The following FBLN2 variants were observed in gnomAD, a reference collection of about 807,000 sequenced individuals.
FBLN2 encodes the protein fibulin-2.
Under a neutral mutation model 123.7 loss-of-function variants are expected in FBLN2, and 81 were observed. The observed-to-expected ratio is 0.65, with a 90% CI of 0.55 to 0.79. FBLN2 has a LOEUF of 0.79. Ranked by LOEUF, FBLN2 falls within the 30% of genes least tolerant of loss-of-function variation. The pLI, the probability that FBLN2 is intolerant of heterozygous loss-of-function variation, is 0.00. For missense variants in FBLN2, 1,603 were observed against 1,681.3 expected (o/e 0.95, Z 0.81); for synonymous variants, 699 against 701.4 (o/e 1.00, Z 0.05).
At chr3:13,619,929 T>C in intron 8 of FBLN2, 98 bp downstream of exon 8, 1 of 890,856 alleles carries the variant, frequency 1.1e-6, no homozygotes, top group South Asian at 1.7e-5. Context: ...ACTTGCTGAG[T>C]TTGTGCAGGA....
At chr3:13,625,704 C>T (rs1431377424) in intron 9 of FBLN2, among the ~76,000 whole-genome samples, 1 of 152,008 alleles carries the variant, frequency 6.6e-6, no homozygotes, top group African/African-American at 2.4e-5. Flanking sequence ...TTCTCCCAGC[C>T]CATTGAAGGT....
At chr3:13,610,056 A>G (rs1224914927) in intron 4 of FBLN2, among the ~76,000 whole-genome samples, 1 of 152,148 alleles carries the variant, frequency 6.6e-6, no homozygotes, top group African/African-American at 2.4e-5. Context: ...AGGGCTGGGG[A>G]GGGACTGCAG....
chr3:13,559,257 G>C (rs1703545832), intron 1 of FBLN2, among the ~76,000 whole-genome samples: 1 of 151,714 alleles, frequency 6.6e-6, no homozygotes, highest in African/African-American at 2.4e-5. Context: ...TAATCAAAAG[G>C]GGTTCATGTC....
Position 13,623,694 on chromosome 3 carries a change from G to A in FBLN2, c.2296+1779G>A, listed in dbSNP as rs559160071. On this transcript the variant is annotated intron_variant, in intron 9 of 17. Transcript: ENST00000404922. ...GCCTTTGCAGCCAGCCTGCCTGCCTGTGCTGAAATCCTGGCTCTTTCAATT... is the reference window on the plus strand; with the variant it reads ...GCCTTTGCAGCCAGCCTGCCTGCCTATGCTGAAATCCTGGCTCTTTCAATT... Among the ~76,000 whole-genome samples, 3 of 152,304 alleles carry A rather than the reference G, an allele frequency of 2.0e-5. No individual in the cohort carries two copies. In the East Asian group the frequency reaches 5.8e-4, roughly 29 times the overall value.
chr3:13,576,728 C>G (rs541528806), intron 2 of FBLN2, among the ~76,000 whole-genome samples: 16 of 151,794 alleles, frequency 1.1e-4, no homozygotes, highest in Non-Finnish European at 1.8e-4. Flanking sequence ...GATCCCCCCC[C>G]CCCGGGTTCA....
chr3:13,614,454 A>G (rs138815011), intron 5 of FBLN2, among the ~76,000 whole-genome samples: 2 of 151,804 alleles, frequency 1.3e-5, no homozygotes, highest in Admixed American at 1.3e-4. Context: ...CTCCCTACCC[A>G]CTTATCAGTT....
In FBLN2 at chr3:13,618,321, A is replaced by T. The variant is rs765663038; in HGVS notation, c.1939+36A>T. 5 of 1,605,124 alleles carry T rather than the reference A, an allele frequency of 3.1e-6. No individual in the cohort carries two copies. The Admixed American group carries it at 8.3e-5, about 27-fold the overall frequency. ...TGATGGCCAGGGCAGGGGCTATGGGAAGGGCTGATCTTGCCAGGGGGTGTG... is the reference window on the plus strand; with the variant it reads ...TGATGGCCAGGGCAGGGGCTATGGGTAGGGCTGATCTTGCCAGGGGGTGTG... On this transcript the variant is annotated intron_variant, in intron 6 of 17. Transcript: ENST00000404922.
In FBLN2 at chr3:13,549,208, G is replaced by A. The variant is rs1471967902; in HGVS notation, c.-42G>A. ...ACGGACGCCGAGCGCAGTGCCCCGC[G>A]GTGAGTGCACGCGGCCCCTCCCGCC... On this transcript the variant is annotated splice_region_variant and 5_prime_UTR_variant, in exon 1 of 18. Coordinates refer to ENST00000404922, the MANE Select transcript of FBLN2 (RefSeq NM_001004019.2). 3 of 983,474 alleles carry A rather than the reference G, an allele frequency of 3.1e-6. No homozygotes were observed. The highest frequency in any genetic ancestry group is 1.1e-4 in the East Asian group (1 of 8,740). The allele number at this position is 983,474 out of a possible 1,614,324, so 60.9% of individuals were successfully genotyped here. A position where few individuals can be genotyped will look rare whatever the true frequency, so the allele number is the denominator to read the frequency against.
intron 1 of FBLN2, among the ~76,000 whole-genome samples, chr3:13,560,077 A>G (rs1050091451): frequency 3.3e-5 from 5 of 152,192 alleles, no homozygotes; most frequent in African/African-American, 1.2e-4. Context: ...GCTCCCTTCA[A>G]TGCCAAAAGC....
chr3:13,638,242 C>A lies in FBLN2; in HGVS notation c.*323C>A. On this transcript the variant is annotated 3_prime_UTR_variant, in exon 18 of 18. Transcript: ENST00000404922. ...GGCTCTTGGACTCCTCTGGATGACCCGTCCCCAAAGTTGACATTCCATTTC... is the reference window on the plus strand; with the variant it reads ...GGCTCTTGGACTCCTCTGGATGACCAGTCCCCAAAGTTGACATTCCATTTC... The A allele has an allele frequency of 1.8e-6, 1 of 563,206 alleles. No individual in the cohort carries two copies. Among genetic ancestry groups the A allele is most frequent in the Non-Finnish European group, 3.2e-6 (1 of 308,472 alleles). 34.9% of individuals were successfully genotyped at this position (563,206 alleles called of 1,614,324 possible). A position where few individuals can be genotyped will look rare whatever the true frequency, so the allele number is the denominator to read the frequency against.
intron 1 of FBLN2, among the ~76,000 whole-genome samples, chr3:13,563,028 A>G (rs573106698): frequency 2.4e-4 from 36 of 152,326 alleles, no homozygotes; most frequent in African/African-American, 8.2e-4. Flanking sequence ...CCATCCATTG[A>G]TGGTCACTTG....
At chr3:13,575,661 A>G (rs1704115556) in intron 2 of FBLN2, among the ~76,000 whole-genome samples, 1 of 152,082 alleles carries the variant, frequency 6.6e-6, no homozygotes, top group South Asian at 2.1e-4. Context: ...CCCAGACCAC[A>G]GAGAGGCCTC....
Position 13,609,750 on chromosome 3 carries a change from T to A in FBLN2, c.1548+108T>A. On this transcript the variant is annotated intron_variant, in intron 4 of 17. Coordinates refer to ENST00000404922, the MANE Select transcript of FBLN2 (RefSeq NM_001004019.2). ...CAAGAAGTTAGGCTGTCCTTGGGGC[T>A]CCTCCTGGGAGTGACCCTCACGCCT... 12 of 1,350,458 alleles carry A rather than the reference T, an allele frequency of 8.9e-6. No individual in the cohort carries two copies. The South Asian group carries it at 1.6e-4, about 18-fold the overall frequency. The allele number at this position is 1,350,458 out of a possible 1,614,324, so 83.7% of individuals were successfully genotyped here. A position where few individuals can be genotyped will look rare whatever the true frequency, so the allele number is the denominator to read the frequency against.
At chr3:13,611,545 G>T (rs944280809) in intron 4 of FBLN2, among the ~76,000 whole-genome samples, 4 of 152,138 alleles carry the variant, frequency 2.6e-5, no homozygotes, top group Non-Finnish European at 4.4e-5. Context: ...TTTGTGTCTG[G>T]CTTATTTCAC....
chr3:13,564,709 A>AC (rs138213966), intron 1 of FBLN2, among the ~76,000 whole-genome samples: 2,225 of 151,636 alleles, frequency 0.015, 32 homozygotes, highest in South Asian at 0.036. Flanking sequence ...CTAAGGTGGG[A>AC]CCCCCCCACC....
rs779436102 is a variant in FBLN2, at chr3:13,630,791, G to A, written c.3061G>A (p.Ala1021Thr). Reference sequence around the variant, plus strand: ...CTACTGCCGCCAGGGCTACCAGCTGGCTGAGGATGGGCACACCTGCACAGG... The same window carrying A: ...CTACTGCCGCCAGGGCTACCAGCTGACTGAGGATGGGCACACCTGCACAGG... ...QCYCRQGYQL[A>T]EDGHTCTDID... is the part of the protein sequence containing the mutation. The change falls in exon 15 of 18, where the codon GCT (alanine) becomes ACT (threonine). Residue 1021 changes from alanine (A) to threonine (T), a missense_variant. Coordinates refer to ENST00000404922, the MANE Select transcript of FBLN2 (RefSeq NM_001004019.2). The A allele has an allele frequency of 6.2e-7, 1 of 1,606,262 alleles. No individual in the cohort carries two copies. The highest frequency in any genetic ancestry group is 8.5e-7 in the Non-Finnish European group (1 of 1,176,718).
At position 13,570,621 on chromosome 3, in the gene FBLN2, A is replaced by G; in HGVS notation, c.266A>G (p.Tyr89Cys). The change falls in exon 2 of 18, where the codon TAT becomes TGT. Residue 89 changes from tyrosine (Y) to cysteine (C), a missense_variant. Coordinates refer to ENST00000404922, the MANE Select transcript of FBLN2 (RefSeq NM_001004019.2). ...GGCCGCGTGCCCGCCGGTCAGTCCT[A>G]TTTTGTGGACTTCGGGAGCACTGAG... Reference protein sequence around the residue: ...VRGRVPAGQSYFVDFGSTECS... With the variant: ...VRGRVPAGQSCFVDFGSTECS... 1 of 1,580,892 alleles carries G rather than the reference A, an allele frequency of 6.3e-7. No individual in the cohort carries two copies. Among genetic ancestry groups the G allele is most frequent in the Non-Finnish European group, 8.6e-7 (1 of 1,164,658 alleles).
chr3:13,576,888 C>T (rs1559405549), intron 2 of FBLN2, among the ~76,000 whole-genome samples: 2 of 152,144 alleles, frequency 1.3e-5, no homozygotes, highest in Admixed American at 6.5e-5. Flanking sequence ...GTAAACAAGT[C>T]CATGGGAATT....
chr3:13,556,061 G>A (rs1703455813), intron 1 of FBLN2, among the ~76,000 whole-genome samples: 1 of 152,192 alleles, frequency 6.6e-6, no homozygotes, highest in African/African-American at 2.4e-5. Context: ...TAGCAGGAAT[G>A]TCTTCTCTGA....
Sources: allele counts gnomAD v4.1 joint callset (sites outside exome capture counted in the v4.1 genomes callset), GRCh38; gene constraint gnomAD v4.1.1; transcripts MANE v1.5; gene names NCBI Gene and HGNC (gene_info 2026-07-23, HGNC 2026-07-21).